ATP10D: variants seen among roughly 807,000 people sequenced by gnomAD.
ATP10D encodes the protein ATPase phospholipid transporting 10D (putative).
Under a neutral mutation model 144.8 loss-of-function variants are expected in ATP10D, and 89 were observed. That is an observed-to-expected ratio of 0.61 (90% CI 0.52 to 0.73). The LOEUF is 0.73. Ranked by LOEUF, ATP10D falls within the 30% of genes least tolerant of loss-of-function variation. ATP10D has a pLI of 0.00. For synonymous variants in ATP10D, 571 were observed against 615.1 expected (o/e 0.93, Z 1.06); for missense variants, 1,603 against 1,714.8 (o/e 0.93, Z 1.15).
chr4:47,550,671 A>G (rs1718687420), intron 10 of ATP10D, among the ~76,000 whole-genome samples: 1 of 152,210 alleles, frequency 6.6e-6, no homozygotes. Context: ...ATTAGAAGCC[A>G]TGGGTCACGG....
At chr4:47,587,332 C>A in intron 22 of ATP10D, 126 bp downstream of exon 22, 3 of 858,430 alleles carry the variant, frequency 3.5e-6, no homozygotes, top group South Asian at 1.9e-5. Flanking sequence ...CAATTTGTGT[C>A]CTAGTTAAAA....
At chr4:47,556,865 A>C (rs1446233359) in intron 11 of ATP10D, 1 of 152,172 alleles carries the variant, frequency 6.6e-6, no homozygotes, top group Non-Finnish European at 1.5e-5. Context: ...ATTTAAGAGA[A>C]ACCAGGGTAC....
At chr4:47,529,981 T>G (rs1473964820) in intron 5 of ATP10D, among the ~76,000 whole-genome samples, 3 of 152,212 alleles carry the variant, frequency 2.0e-5, no homozygotes, top group Non-Finnish European at 4.4e-5. Context: ...CTACTGATTT[T>G]GTGCATTGAT....
chr4:47,523,469 A>G (rs763334723), intron 4 of ATP10D, among the ~76,000 whole-genome samples: 2 of 152,228 alleles, frequency 1.3e-5, no homozygotes, highest in African/African-American at 4.8e-5. Context: ...AAAGGAACCT[A>G]ACAGAATTAT....
chr4:47,572,615 A>T (rs1007155763), intron 17 of ATP10D, among the ~76,000 whole-genome samples: 7 of 147,648 alleles, frequency 4.7e-5, no homozygotes, highest in African/African-American at 1.8e-4. Context: ...AGGAGAAGGA[A>T]GGAAGTGGGA....
intron 18 of ATP10D, among the ~76,000 whole-genome samples, chr4:47,575,924 CTTTTTTT>C (rs564960460): frequency 4.9e-5 from 4 of 82,282 alleles, no homozygotes; most frequent in African/African-American, 1.1e-4. Context: ...ACTGGGGTCC[CTTTTTTT>C]TTTTTTTTTT....
At chr4:47,582,667 A>G (rs1489186893) in intron 21 of ATP10D, among the ~76,000 whole-genome samples, 1 of 152,140 alleles carries the variant, frequency 6.6e-6, no homozygotes. Context: ...CACTTAGCGT[A>G]TCTTTTAACG....
At chr4:47,565,646 G>C (rs1719593005) in intron 15 of ATP10D, among the ~76,000 whole-genome samples, 1 of 152,118 alleles carries the variant, frequency 6.6e-6, no homozygotes, top group Non-Finnish European at 1.5e-5. Context: ...GTGCCTATCA[G>C]ATGAGAGGGG....
chr4:47,561,563 C>T (rs1009287107), intron 14 of ATP10D, among the ~76,000 whole-genome samples: 7 of 152,104 alleles, frequency 4.6e-5, no homozygotes, highest in South Asian at 4.1e-4. Flanking sequence ...AAACATGGAG[C>T]TCATGTTTGC....
intron 1 of ATP10D, among the ~76,000 whole-genome samples, chr4:47,509,798 C>T (rs532703840): frequency 2.6e-5 from 4 of 152,042 alleles, no homozygotes; most frequent in Non-Finnish European, 4.4e-5. Context: ...ATCTTTTTAC[C>T]AACATGTACA....
chr4:47,486,976 A>T, intron 1 of ATP10D, among the ~76,000 whole-genome samples: 1 of 152,168 alleles, frequency 6.6e-6, no homozygotes, highest in East Asian at 1.9e-4. Context: ...CATGCCTGTA[A>T]TCCCAACACT....
At chr4:47,569,375 C>A (rs1719824384) in intron 16 of ATP10D, among the ~76,000 whole-genome samples, 2 of 145,172 alleles carry the variant, frequency 1.4e-5, no homozygotes, top group Admixed American at 7.0e-5. Flanking sequence ...ATACAGTAGT[C>A]CAGACTTCTT....
chr4:47,542,642 T>C lies in ATP10D; in HGVS notation c.1397-3982T>C, dbSNP rs533565718. Among the ~76,000 whole-genome samples, 3 of 151,752 alleles carry C rather than the reference T, an allele frequency of 2.0e-5. No individual in the cohort carries two copies. In the South Asian group the frequency reaches 6.3e-4, roughly 32 times the overall value. ...ACAGGTGCCCGCCACCACACCCAGC[T>C]AATTTTGTGTATTTTTAGTAGAGAT... On this transcript the variant is annotated intron_variant, in intron 9 of 22. Transcript: ENST00000273859.
chr4:47,584,533 C>T (rs1010588453), intron 21 of ATP10D, among the ~76,000 whole-genome samples: 2 of 152,088 alleles, frequency 1.3e-5, no homozygotes, highest in African/African-American at 2.4e-5. Context: ...GCTGGGACTA[C>T]AGGCGCCCAC....
chr4:47,495,447 T>G (rs1026688513), intron 1 of ATP10D, among the ~76,000 whole-genome samples: 3 of 152,212 alleles, frequency 2.0e-5, no homozygotes, highest in Admixed American at 6.5e-5. Context: ...AATTTAACTT[T>G]TTGATTAAAA....
Position 47,531,830 on chromosome 4 carries a change from G to C in ATP10D, c.777-3679G>C, listed in dbSNP as rs1717582374. ...TCAGCTGTCCTCTTCCCACAGCTGGGCACGCTGACTCCCTGATGAGCTCAG... is the reference window on the plus strand; with the variant it reads ...TCAGCTGTCCTCTTCCCACAGCTGGCCACGCTGACTCCCTGATGAGCTCAG... On this transcript the variant is annotated intron_variant, in intron 5 of 22. Coordinates refer to ENST00000273859, the MANE Select transcript of ATP10D (RefSeq NM_020453.4). 2.6e-5 allele frequency among the ~76,000 whole-genome samples: 4 copies of C among 152,280 alleles called. No homozygotes were observed. In the South Asian group the frequency reaches 8.3e-4, roughly 32 times the overall value.
chr4:47,516,055 C>A (rs1005925713), intron 3 of ATP10D, among the ~76,000 whole-genome samples: 1 of 151,954 alleles, frequency 6.6e-6, no homozygotes, highest in African/African-American at 2.4e-5. Context: ...CATGATGAAA[C>A]CCTGTCTCTA....
chr4:47,506,666 A>G (rs1716035430), intron 1 of ATP10D, among the ~76,000 whole-genome samples: 1 of 152,242 alleles, frequency 6.6e-6, no homozygotes, highest in Non-Finnish European at 1.5e-5. Flanking sequence ...TGAGGATAGT[A>G]GAGTATCTAG....
chr4:47,530,206 G>T (rs886979663), intron 5 of ATP10D, among the ~76,000 whole-genome samples: 7 of 152,066 alleles, frequency 4.6e-5, no homozygotes, highest in African/African-American at 1.7e-4. Flanking sequence ...GGTGAGAGTA[G>T]GCCTCTTGTC....
Sources: allele counts gnomAD v4.1 joint callset (sites outside exome capture counted in the v4.1 genomes callset), GRCh38; gene constraint gnomAD v4.1.1; transcripts MANE v1.5; gene names NCBI Gene and HGNC (gene_info 2026-07-23, HGNC 2026-07-21).